PIK3CD: variants seen among roughly 807,000 people sequenced by gnomAD.
The protein encoded by PIK3CD is phosphatidylinositol-4,5-bisphosphate 3-kinase catalytic subunit delta.
In PIK3CD, 20 loss-of-function variants were observed where a neutral mutation model predicts 122.9. That is an observed-to-expected ratio of 0.16 (90% CI 0.11 to 0.24). PIK3CD has a LOEUF of 0.24. Ranked by LOEUF, PIK3CD falls within the 10% of genes least tolerant of loss-of-function variation. The probability of loss-of-function intolerance (pLI) is 1.00; values close to 1 mark genes in which losing one functional copy is unlikely to be tolerated. For synonymous variants in PIK3CD, 596 were observed against 593.4 expected, an observed-to-expected ratio of 1.00 and a Z score of -0.06; for missense variants, 787 against 1,406.3, an observed-to-expected ratio of 0.56 and a Z score of 7.04.
the PIK3CD span, among the ~76,000 whole-genome samples, chr1:9,627,683 G>T: frequency 6.6e-5 from 10 of 152,160 alleles, no homozygotes; most frequent in Non-Finnish European, 1.5e-4. Flanking sequence ...GGTGGCTGAG[G>T]ACCAGGGGCT....
chr1:9,632,930 C>T, the PIK3CD span, among the ~76,000 whole-genome samples: 20 of 149,042 alleles, frequency 1.3e-4, no homozygotes, highest in East Asian at 2.8e-3. Context: ...GGTGCCATCT[C>T]GGCTCACTGC....
the PIK3CD span, among the ~76,000 whole-genome samples, chr1:9,639,489 A>C: frequency 6.6e-6 from 1 of 152,010 alleles, no homozygotes; most frequent in Non-Finnish European, 1.5e-5. Context: ...AACTTCTCTG[A>C]AGTTGGAGTA....
chr1:9,684,845 C>CAAA (rs200995845), intron 1 of PIK3CD, among the ~76,000 whole-genome samples: 5 of 108,776 alleles, frequency 4.6e-5, no homozygotes, highest in African/African-American at 6.8e-5. Flanking sequence ...GACCCTGTCT[C>CAAA]AAAAAAAAAA....
At chr1:9,716,364 A>G in intron 5 of PIK3CD, 76 bp from the exon 6 acceptor site, 1 of 1,449,486 alleles carries the variant, frequency 6.9e-7, no homozygotes, top group Non-Finnish European at 9.7e-7. Flanking sequence ...TTGGGGGCAA[A>G]TAGGCAACCC....
intron 1 of PIK3CD, among the ~76,000 whole-genome samples, chr1:9,660,055 A>G (rs1263218369): frequency 6.6e-6 from 1 of 152,226 alleles, no homozygotes; most frequent in African/African-American, 2.4e-5. Flanking sequence ...AGCTGGGATT[A>G]CAGGCATGTG....
chr1:9,722,390 C>T lies in PIK3CD; in HGVS notation c.2347+34C>T, dbSNP rs749760353. The T allele has an allele frequency of 1.9e-6, 3 of 1,582,090 alleles. No individual in the cohort carries two copies. The highest frequency in any genetic ancestry group is 2.6e-6 in the Non-Finnish European group (3 of 1,154,290). On this transcript the variant is annotated intron_variant, in intron 18 of 23. Transcript: ENST00000377346. This position sits in a 1 kb window ranked among gnomAD's most constrained non-coding sequence, Gnocchi z 7.6. Reference sequence around the variant, plus strand: ...CTGGCCTCCCCACACCCCGCCTGTACTGCCCTGGGGGGTCCTGGGGTGCTC... The same window carrying T: ...CTGGCCTCCCCACACCCCGCCTGTATTGCCCTGGGGGGTCCTGGGGTGCTC...
At chr1:9,640,242 C>T in the PIK3CD span, among the ~76,000 whole-genome samples, 1 of 152,006 alleles carries the variant, frequency 6.6e-6, no homozygotes, top group African/African-American at 2.4e-5. Flanking sequence ...TGCCAGTTTC[C>T]CCAGGGAGCC....
At chr1:9,634,819 ATT>A in the PIK3CD span, among the ~76,000 whole-genome samples, 2 of 152,108 alleles carry the variant, frequency 1.3e-5, no homozygotes, top group South Asian at 4.1e-4. Flanking sequence ...ATTATTTGGG[ATT>A]TTTTTGTTTT....
Position 9,721,976 on chromosome 1 carries a change from G to A in PIK3CD, c.2057G>A (p.Gly686Glu), listed in dbSNP as rs760029461. Residue 686 changes from glycine (G) to glutamate (E), a missense_variant and splice_region_variant, in exon 17 of 24, where the codon GGG (glycine) becomes GAG (glutamate). Around this residue, in one of 6 missense-constraint regions of PIK3CD, gnomAD observed 1 missense variants for 20.5 expected, o/e 0.05. Transcript: ENST00000377346. Reference sequence around the variant, plus strand: ...GCCGCCCTCCCATCTGCCCACCAGGGGGAAGCACTGAGCAAACTGAAGGCC... The same window carrying A: ...GCCGCCCTCCCATCTGCCCACCAGGAGGAAGCACTGAGCAAACTGAAGGCC... ...THHMKVLMKQ[G>E]EALSKLKALN... 1 of 1,613,444 alleles carries A rather than the reference G, an allele frequency of 6.2e-7. No individual in the cohort carries two copies. Among genetic ancestry groups the A allele is most frequent in the Non-Finnish European group, 8.5e-7 (1 of 1,180,002 alleles).
rs200233248 is a variant in PIK3CD, at chr1:9,726,894, G to A, written c.2998-15G>A. On this transcript the variant is annotated splice_polypyrimidine_tract_variant and intron_variant, in intron 23 of 23. Coordinates refer to ENST00000377346, the MANE Select transcript of PIK3CD (RefSeq NM_005026.5). The stretch of plus-strand genomic sequence containing the variant: ...GGGCCCCCTTAACGTGGACACCGCT[G>A]TGATTTGTTTGCAGGACTCCCTGGC... 125 of 1,613,754 alleles carry A rather than the reference G, an allele frequency of 7.7e-5. No individual in the cohort carries two copies. The highest frequency in any genetic ancestry group is 3.3e-5 in the Non-Finnish European group (39 of 1,179,844).
rs191805664 is a variant in PIK3CD at position 9,685,082 on chromosome 1, G to C, written c.-137-6385G>C. 1.6e-3 allele frequency among the ~76,000 whole-genome samples: 248 copies of C among 152,136 alleles called. 4 individuals are homozygous for C. The highest frequency in any genetic ancestry group is 2.4e-4 in the Non-Finnish European group (16 of 68,002). On this transcript the variant is annotated intron_variant, in intron 1 of 23. Coordinates refer to ENST00000377346, the MANE Select transcript of PIK3CD (RefSeq NM_005026.5). ...TTTAACTACAGATGAGCCACTTTTT[G>C]AGTTACCCAGGGGTGAGAGTCTCAA...
the PIK3CD span, among the ~76,000 whole-genome samples, chr1:9,627,507 A>G: frequency 6.6e-6 from 1 of 152,228 alleles, no homozygotes; most frequent in East Asian, 1.9e-4. Flanking sequence ...CGCGCCCGTC[A>G]GTGGGAGCAT....
chr1:9,716,233 T>TC (rs1647409748), intron 5 of PIK3CD, 155 bp downstream of exon 5: 2 of 828,820 alleles, frequency 2.4e-6, no homozygotes, highest in East Asian at 2.7e-5. Context: ...CAACTGAACG[T>TC]CCCCCCAGGC....
intron 1 of PIK3CD, among the ~76,000 whole-genome samples, 193 bp downstream of exon 1, chr1:9,651,995 G>A (rs913991031): frequency 1.3e-5 from 2 of 151,806 alleles, no homozygotes; most frequent in African/African-American, 2.4e-5. Context: ...CCGGGGGCCG[G>A]GCTGCTGGGA....
At position 9,716,499 on chromosome 1, in the gene PIK3CD, C is replaced by T. The variant is rs1647473577; in HGVS notation, c.660C>T (p.Ala220=). 6.2e-7 allele frequency: 1 copy of T among 1,610,984 alleles called. No individual in the cohort carries two copies. Among genetic ancestry groups the T allele is most frequent in the Non-Finnish European group, 8.5e-7 (1 of 1,179,910 alleles). The change falls in exon 6 of 24, where the codon GCC becomes GCT. Residue 220 remains alanine (A), a synonymous_variant. Coordinates refer to ENST00000377346, the MANE Select transcript of PIK3CD (RefSeq NM_005026.5). ...TGCCGCTGGCGCTGATGGCCTGTGC[C>T]CTGCGGAAGAAGGCCACAGTGTTCC... The part of the protein sequence containing the change: ...KDVPLALMAC[A]LRKKATVFRQ...
At chr1:9,649,758 G>A (rs973146075), upstream of PIK3CD, among the ~76,000 whole-genome samples, 11 of 152,196 alleles carry the variant, frequency 7.2e-5, no homozygotes, top group African/African-American at 2.7e-4. Flanking sequence ...CCTATCCTGG[G>A]AGGGCATGAA....
rs1311021281 is a variant in PIK3CD at position 9,721,259 on chromosome 1, G to A, written c.1811+11G>A. 1.2e-6 allele frequency: 2 copies of A among 1,613,148 alleles called. No individual in the cohort carries two copies. Among genetic ancestry groups the A allele is most frequent in the Non-Finnish European group, 1.7e-6 (2 of 1,179,996 alleles). ...GCTGCGGAAACTGACGTGAGTCCCAGCTGGGCGCTCCCCACTTCTCCAGAG... is the reference window on the plus strand; with the variant it reads ...GCTGCGGAAACTGACGTGAGTCCCAACTGGGCGCTCCCCACTTCTCCAGAG... On this transcript the variant is annotated intron_variant, in intron 14 of 23. Coordinates refer to ENST00000377346, the MANE Select transcript of PIK3CD (RefSeq NM_005026.5).
Position 9,674,954 on chromosome 1 carries a change from T to C in PIK3CD, c.-137-16513T>C, listed in dbSNP as rs1645462280. ...AGGCTGAGGTGGGAGGATCGCTGCTTGAGCCTGGGAGGCAGAGGTTGCAGC... is the reference window on the plus strand; with the variant it reads ...AGGCTGAGGTGGGAGGATCGCTGCTCGAGCCTGGGAGGCAGAGGTTGCAGC... On this transcript the variant is annotated intron_variant, in intron 1 of 23. Coordinates refer to ENST00000377346, the MANE Select transcript of PIK3CD (RefSeq NM_005026.5). Among the ~76,000 whole-genome samples, 4 of 148,306 alleles carry C rather than the reference T, an allele frequency of 2.7e-5. No homozygotes were observed. In the South Asian group the frequency reaches 8.5e-4, roughly 32 times the overall value.
intron 2 of PIK3CD, among the ~76,000 whole-genome samples, chr1:9,709,619 C>T (rs776807761): frequency 3.3e-5 from 5 of 151,978 alleles, no homozygotes; most frequent in African/African-American, 4.8e-5. Flanking sequence ...ATGGGAACAT[C>T]GCTTGAACCT....
Sources: gnomAD v4.1 joint callset for allele counts (sites outside exome capture counted in the v4.1 genomes callset) on GRCh38, gnomAD v4.1.1 for gene constraint, gnomAD v4.1.1 regional missense constraint, Gnocchi (gnomAD v3.1) non-coding constraint, MANE v1.5 for transcripts, NCBI Gene and HGNC (gene_info 2026-07-23, HGNC 2026-07-21) for gene names.